KCND2: variants seen among roughly 807,000 people sequenced by gnomAD.
KCND2 encodes the protein A-type voltage-gated potassium channel KCND2.
KCND2 carries 16 observed loss-of-function variants against 54.4 expected under a neutral mutation model. That is an observed-to-expected ratio of 0.29 (90% CI 0.20 to 0.45). The LOEUF (loss-of-function observed/expected upper bound fraction) is 0.45. Among genes scored for constraint, KCND2 ranks in the 20% least tolerant of loss-of-function variants. The pLI is 1.00. For missense variants in KCND2, 486 were observed against 824.2 expected, an observed-to-expected ratio of 0.59 and a Z score of 5.02; for synonymous variants, 317 against 310.7, an observed-to-expected ratio of 1.02 and a Z score of -0.21.
intron 1 of KCND2, among the ~76,000 whole-genome samples, chr7:120,528,658 G>A (rs1340236371): frequency 6.6e-6 from 1 of 152,070 alleles, no homozygotes; most frequent in Non-Finnish European, 1.5e-5. Flanking sequence ...GATACACAAA[G>A]ATGATACACA....
chr7:120,466,179 G>A (rs1313301606), intron 1 of KCND2, among the ~76,000 whole-genome samples: 1 of 152,146 alleles, frequency 6.6e-6, no homozygotes, highest in South Asian at 2.1e-4. Flanking sequence ...ACTCCTGGTT[G>A]AGAACCACTG....
intron 1 of KCND2, among the ~76,000 whole-genome samples, chr7:120,402,970 G>C (rs534964274): frequency 3.2e-4 from 48 of 152,198 alleles, no homozygotes; most frequent in African/African-American, 1.1e-3. Flanking sequence ...AAGTAAACTT[G>C]GGAAGCATAA....
chr7:120,736,244 T>A lies in KCND2; in HGVS notation c.1278+3179T>A, dbSNP rs3779390. ...AAATACTTTCCTTCTTCTAGTTTCT[T>A]CCATTTGCAAGTACTCTTCCTACTT... On this transcript the variant is annotated intron_variant, in intron 2 of 5. Coordinates refer to ENST00000331113, the MANE Select transcript of KCND2 (RefSeq NM_012281.3). Among the ~76,000 whole-genome samples the A allele has an allele frequency of 1.3e-3, 199 of 152,170 alleles. 6 individuals carry two copies. In the East Asian group the frequency reaches 0.036, roughly 27 times the overall value.
chr7:120,700,721 A>G (rs1462024330), intron 1 of KCND2, among the ~76,000 whole-genome samples: 1 of 152,200 alleles, frequency 6.6e-6, no homozygotes, highest in Non-Finnish European at 1.5e-5. Context: ...GGTGTAGTAC[A>G]AGCTGTTTTT....
rs74869420 is a variant in KCND2 at position 120,525,207 on chromosome 7, G to C, written c.1116-207696G>C. Among the ~76,000 whole-genome samples, 1,026 of 152,152 alleles carry C rather than the reference G, an allele frequency of 6.7e-3. 10 individuals are homozygous for C. Among genetic ancestry groups the C allele is most frequent in the Middle Eastern group, 0.017 (5 of 294 alleles). On this transcript the variant is annotated intron_variant, in intron 1 of 5. Transcript: ENST00000331113. ...TTGCTATTGTGTTCAAATTCAAGTTGCCAATCACTTGAACATTCTTAGATA... is the reference window on the plus strand; with the variant it reads ...TTGCTATTGTGTTCAAATTCAAGTTCCCAATCACTTGAACATTCTTAGATA...
intron 1 of KCND2, among the ~76,000 whole-genome samples, chr7:120,371,072 A>G (rs2115998977): frequency 6.6e-6 from 1 of 152,114 alleles, no homozygotes; most frequent in South Asian, 2.1e-4. Context: ...TTGTCTTGGG[A>G]CATGTCTCTA....
chr7:120,316,453 C>G (rs896647823), intron 1 of KCND2, among the ~76,000 whole-genome samples: 1 of 152,162 alleles, frequency 6.6e-6, no homozygotes, highest in South Asian at 2.1e-4. Context: ...TAAATCAAAA[C>G]TCATTTGTGA....
At chr7:120,375,468 A>G (rs773432155) in intron 1 of KCND2, among the ~76,000 whole-genome samples, 2 of 151,740 alleles carry the variant, frequency 1.3e-5, no homozygotes, top group African/African-American at 2.4e-5. Flanking sequence ...GTTCAGTTCT[A>G]TTTCTTGTCA....
intron 1 of KCND2, among the ~76,000 whole-genome samples, chr7:120,370,077 CAT>C (rs1372469239): frequency 2.6e-5 from 4 of 151,828 alleles, no homozygotes; most frequent in Non-Finnish European, 5.9e-5. Flanking sequence ...ATGAAGATGA[CAT>C]GTGGATAAAG....
At chr7:120,413,994 CTGAAG>C (rs1396326330) in intron 1 of KCND2, among the ~76,000 whole-genome samples, 1 of 149,932 alleles carries the variant, frequency 6.7e-6, no homozygotes, top group Non-Finnish European at 1.5e-5. Flanking sequence ...ATCTATTAAA[CTGAAG>C]TTCATTTTTT....
chr7:120,380,954 A>C (rs1334295701), intron 1 of KCND2, among the ~76,000 whole-genome samples: 2 of 152,102 alleles, frequency 1.3e-5, no homozygotes, highest in Non-Finnish European at 2.9e-5. Context: ...AAATGGTTTT[A>C]GTTTTCAAAA....
chr7:120,280,433 G>A (rs1799243602), intron 1 of KCND2, among the ~76,000 whole-genome samples: 1 of 152,012 alleles, frequency 6.6e-6, no homozygotes, highest in South Asian at 2.1e-4. Flanking sequence ...TTTCAACATA[G>A]TACCCTAGAG....
At chr7:120,614,566 C>T (rs1792998011) in intron 1 of KCND2, among the ~76,000 whole-genome samples, 1 of 152,186 alleles carries the variant, frequency 6.6e-6, no homozygotes, top group African/African-American at 2.4e-5. Context: ...TCCTCTTACA[C>T]ACATATTCCT....
intron 1 of KCND2, among the ~76,000 whole-genome samples, chr7:120,471,427 A>G (rs560294617): frequency 3.9e-5 from 6 of 152,256 alleles, no homozygotes; most frequent in African/African-American, 1.2e-4. Flanking sequence ...AGATTTTATT[A>G]AAGACATCTC....
intron 1 of KCND2, among the ~76,000 whole-genome samples, chr7:120,725,086 G>A (rs556694528): frequency 6.6e-6 from 1 of 152,218 alleles, no homozygotes; most frequent in South Asian, 2.1e-4. Context: ...TAGGAAACAG[G>A]AAAGAATTTG....
At chr7:120,335,692 A>G (rs918002080) in intron 1 of KCND2, among the ~76,000 whole-genome samples, 1 of 151,914 alleles carries the variant, frequency 6.6e-6, no homozygotes, top group African/African-American at 2.4e-5. Context: ...TCACCGTGTT[A>G]GCCAGGATGG....
At chr7:120,398,023 A>G (rs1291311651) in intron 1 of KCND2, among the ~76,000 whole-genome samples, 1 of 115,862 alleles carries the variant, frequency 8.6e-6, no homozygotes, top group Non-Finnish European at 1.7e-5. Context: ...ATATATATAT[A>G]TATATATATA....
intron 1 of KCND2, among the ~76,000 whole-genome samples, chr7:120,441,279 A>G (rs1801941788): frequency 6.6e-6 from 1 of 152,124 alleles, no homozygotes; most frequent in Non-Finnish European, 1.5e-5. Flanking sequence ...CTATGCTAGT[A>G]AAACAAGCCT....
intron 1 of KCND2, among the ~76,000 whole-genome samples, chr7:120,523,012 A>G (rs1048515143): frequency 1.3e-5 from 2 of 152,318 alleles, no homozygotes; most frequent in East Asian, 3.9e-4. Flanking sequence ...AACCAGAGAT[A>G]GAAGACACAG....
Sources: gnomAD v4.1 joint callset for allele counts (sites outside exome capture counted in the v4.1 genomes callset) on GRCh38, gnomAD v4.1.1 for gene constraint, MANE v1.5 for transcripts, NCBI Gene and HGNC (gene_info 2026-07-23, HGNC 2026-07-21) for gene names.